Variants in TSPAN18 observed in about 807,000 individuals in gnomAD.
TSPAN18 encodes the protein tetraspanin 18, also known as tetraspanin-18.
A neutral mutation model predicts 27.3 loss-of-function variants in TSPAN18; 14 were observed. The observed-to-expected ratio is 0.51, with a 90% confidence interval of 0.34 to 0.80. The LOEUF (loss-of-function observed/expected upper bound fraction) is 0.80. Ranked by LOEUF, TSPAN18 falls within the 30% of genes least tolerant of loss-of-function variation. The pLI, the probability that TSPAN18 is intolerant of heterozygous loss-of-function variation, is 0.01. For synonymous variants in TSPAN18, 143 were observed against 136.5 expected, an observed-to-expected ratio of 1.05 and a Z score of -0.33; for missense variants, 268 against 323.9, an observed-to-expected ratio of 0.83 and a Z score of 1.32.
intron 5 of TSPAN18, among the ~76,000 whole-genome samples, chr11:44,912,228 C>G (rs1057233234): frequency 6.6e-6 from 1 of 152,036 alleles, no homozygotes; most frequent in African/African-American, 2.4e-5. Context: ...TACCATGTTG[C>G]TCAGGCTGGT....
intron 2 of TSPAN18, among the ~76,000 whole-genome samples, chr11:44,854,200 TG>T (rs397848626): frequency 0.092 from 7,082 of 76,786 alleles, 751 homozygotes; most frequent in African/African-American, 0.28. Flanking sequence ...GGGCAGGGGG[TG>T]GGGGGGGGGG....
chr11:44,868,779 C>T (rs1242071466), intron 3 of TSPAN18, among the ~76,000 whole-genome samples: 1 of 152,216 alleles, frequency 6.6e-6, no homozygotes, highest in Non-Finnish European at 1.5e-5. Context: ...AGCGCCCACA[C>T]CAGGGCAGAA....
At chr11:44,924,496 C>T (rs1240898317) in intron 8 of TSPAN18, among the ~76,000 whole-genome samples, 1 of 152,112 alleles carries the variant, frequency 6.6e-6, no homozygotes, top group Non-Finnish European at 1.5e-5. Context: ...CATTGCTGTT[C>T]CCTGTCCGGG....
chr11:44,741,727 C>T (rs549507148), intron 1 of TSPAN18, among the ~76,000 whole-genome samples: 6 of 152,240 alleles, frequency 3.9e-5, no homozygotes, highest in African/African-American at 9.6e-5. Context: ...AATCCTGGGT[C>T]GGTCCCTACC....
At chr11:44,840,317 C>T (rs1402034325) in intron 2 of TSPAN18, among the ~76,000 whole-genome samples, 1 of 152,184 alleles carries the variant, frequency 6.6e-6, no homozygotes, top group East Asian at 1.9e-4. Context: ...GCTGGCCTCT[C>T]TCCCTCATTG....
At chr11:44,826,504 C>T (rs1000197093) in intron 2 of TSPAN18, among the ~76,000 whole-genome samples, 7 of 152,340 alleles carry the variant, frequency 4.6e-5, no homozygotes, top group Admixed American at 2.6e-4. Flanking sequence ...GTATGTCTAT[C>T]GCCGGCAGGT....
At chr11:44,786,623 CTTTTTTT>C (rs528871558) in intron 2 of TSPAN18, among the ~76,000 whole-genome samples, 2 of 98,208 alleles carry the variant, frequency 2.0e-5, no homozygotes, top group Admixed American at 1.2e-4. Flanking sequence ...TATCCACTTA[CTTTTTTT>C]TTTTTTTTTT....
intron 3 of TSPAN18, among the ~76,000 whole-genome samples, chr11:44,905,538 A>G (rs1590663916): frequency 6.6e-6 from 1 of 152,204 alleles, no homozygotes; most frequent in Non-Finnish European, 1.5e-5. Flanking sequence ...AAATGTGAAA[A>G]TAACGAATAT....
chr11:44,772,744 C>A (rs558387134), intron 2 of TSPAN18, among the ~76,000 whole-genome samples: 1 of 152,132 alleles, frequency 6.6e-6, no homozygotes, highest in African/African-American at 2.4e-5. Flanking sequence ...CTGCAACTTC[C>A]GCCTCCCCGG....
At chr11:44,809,116 G>A (rs1856662796) in intron 2 of TSPAN18, among the ~76,000 whole-genome samples, 1 of 152,108 alleles carries the variant, frequency 6.6e-6, no homozygotes, top group East Asian at 1.9e-4. Flanking sequence ...GCACAGAGAG[G>A]TTAGGTGACT....
intron 8 of TSPAN18, among the ~76,000 whole-genome samples, chr11:44,924,243 A>C (rs919938439): frequency 2.0e-5 from 3 of 152,084 alleles, no homozygotes; most frequent in Non-Finnish European, 4.4e-5. Context: ...CCTAACAGGC[A>C]TTGAGATTGA....
chr11:44,751,593 T>G (rs1397666166), intron 1 of TSPAN18, among the ~76,000 whole-genome samples: 1 of 152,140 alleles, frequency 6.6e-6, no homozygotes, highest in Non-Finnish European at 1.5e-5. Context: ...TGCGTTTAAA[T>G]AATAATGTTT....
At chr11:44,858,094 G>A (rs553521097) in intron 2 of TSPAN18, among the ~76,000 whole-genome samples, 59 of 152,274 alleles carry the variant, frequency 3.9e-4, no homozygotes, top group Admixed American at 1.9e-3. Context: ...TCAATAAAAC[G>A]GGGATGATAG....
At chr11:44,869,079 C>A (rs1197860992) in intron 3 of TSPAN18, among the ~76,000 whole-genome samples, 2 of 152,198 alleles carry the variant, frequency 1.3e-5, no homozygotes, top group Non-Finnish European at 2.9e-5. Flanking sequence ...AGGGCTTAGG[C>A]CCTTTTTTCT....
rs950297519 is a variant in TSPAN18 at position 44,931,818 on chromosome 11, T to TG, written c.*2645dup. 7.4e-6 allele frequency: 1 copy of TG among 135,110 alleles called. No homozygotes were observed. The highest frequency in any genetic ancestry group is 2.7e-5 in the African/African-American group (1 of 36,792). 8.4% of individuals were successfully genotyped at this position (135,110 alleles called of 1,614,324 possible). The stretch of plus-strand genomic sequence containing the variant: ...CAGGTTCTGGTGGTGGCTGGGGTTG[T>TG]GGGGGAGGGGTGGGCAGGGATACCT... On this transcript the variant is annotated 3_prime_UTR_variant, in exon 10 of 10. Transcript: ENST00000520358.
chr11:44,729,705 G>T (rs866850969), intron 1 of TSPAN18, among the ~76,000 whole-genome samples: 1 of 152,244 alleles, frequency 6.6e-6, no homozygotes, highest in South Asian at 2.1e-4. Context: ...AGTTAGTTGG[G>T]TTTAGGATAC....
At chr11:44,858,401 G>C (rs967583886) in intron 2 of TSPAN18, among the ~76,000 whole-genome samples, 3 of 152,240 alleles carry the variant, frequency 2.0e-5, no homozygotes, top group Non-Finnish European at 4.4e-5. Flanking sequence ...GTTATTACAA[G>C]CACAGGCTTC....
intron 1 of TSPAN18, among the ~76,000 whole-genome samples, chr11:44,755,955 GGA>G (rs1001121576): frequency 1.3e-5 from 2 of 152,100 alleles, no homozygotes; most frequent in African/African-American, 4.8e-5. Flanking sequence ...AGAGAGAAAT[GGA>G]GAGAGAGGGA....
intron 3 of TSPAN18, among the ~76,000 whole-genome samples, chr11:44,891,155 G>A (rs12361895): frequency 0.049 from 7,489 of 152,230 alleles, 263 homozygotes; most frequent in Non-Finnish European, 0.071. Context: ...TGGGCAACAG[G>A]GCGAGACCCT....
Sources: allele counts gnomAD v4.1 joint callset (sites outside exome capture counted in the v4.1 genomes callset), GRCh38; gene constraint gnomAD v4.1.1; transcripts MANE v1.5; gene names NCBI Gene and HGNC (gene_info 2026-07-23, HGNC 2026-07-21).